The following TAB2 variants were observed in gnomAD, a reference collection of about 807,000 sequenced individuals.
TAB2 encodes TGF-beta activated kinase 1 (MAP3K7) binding protein 2.
In TAB2, 3 loss-of-function variants were observed where a neutral mutation model predicts 65.0. The observed-to-expected ratio is 0.05, with a 90% CI of 0.02 to 0.12. TAB2 has a LOEUF of 0.12. Ranked by LOEUF, TAB2 falls within the 10% of genes least tolerant of loss-of-function variation. The probability of loss-of-function intolerance (pLI) is 1.00; values close to 1 mark genes in which losing one functional copy is unlikely to be tolerated. For synonymous variants in TAB2, 298 were observed against 285.1 expected (o/e 1.05, Z -0.46); for missense variants, 623 against 840.3 (o/e 0.74, Z 3.20).
At chr6:149,388,221 G>A (rs1781864913) in intron 3 of TAB2, among the ~76,000 whole-genome samples, 1 of 152,228 alleles carries the variant, frequency 6.6e-6, no homozygotes, top group Non-Finnish European at 1.5e-5. Context: ...CCCAGGTTAA[G>A]GGAAGCTCCA....
chr6:149,367,933 C>T (rs961115960), intron 1 of TAB2, among the ~76,000 whole-genome samples: 2 of 151,994 alleles, frequency 1.3e-5, no homozygotes, highest in Middle Eastern at 3.2e-3. Context: ...AAGGAGATGT[C>T]AGTTAGCCAG....
chr6:149,315,867 C>T (rs1056466103), upstream of TAB2, among the ~76,000 whole-genome samples: 4 of 151,792 alleles, frequency 2.6e-5, no homozygotes, highest in African/African-American at 7.3e-5. Flanking sequence ...TTAGACTTGA[C>T]CTGCTCAAAC....
intron 1 of TAB2, among the ~76,000 whole-genome samples, chr6:149,360,884 C>T (rs1204953183): frequency 6.6e-6 from 1 of 152,174 alleles, no homozygotes; most frequent in Non-Finnish European, 1.5e-5. Context: ...AAAGGGGCTA[C>T]AGGCTTCATA....
Position 149,369,964 on chromosome 6 carries a change from A to T in TAB2, c.-34A>T. 1 of 1,550,102 alleles carries T rather than the reference A, an allele frequency of 6.5e-7. No homozygotes were observed. The highest frequency in any genetic ancestry group is 8.9e-7 in the Non-Finnish European group (1 of 1,121,748). ...TTTCCACTAAGGCCTAGAATTGCCTACTGTACAAATAGTCCTGATCAGGCA... is the reference window on the plus strand; with the variant it reads ...TTTCCACTAAGGCCTAGAATTGCCTTCTGTACAAATAGTCCTGATCAGGCA... On this transcript the variant is annotated 5_prime_UTR_variant, in exon 2 of 7. Coordinates refer to ENST00000637181, the MANE Select transcript of TAB2 (RefSeq NM_001292034.3).
Position 149,309,879 on chromosome 6 carries a change from TGTGG to T in TAB2, c.-120-68135_-120-68132del, listed in dbSNP as rs894623084. ...AGGACACACTGTGTGTGTGTGTGGG[TGTGG>T]GTGTGTGTGTGTGTGTGTGATTTTT... On this transcript the variant is annotated intron_variant, in intron 1 of 1. Coordinates refer to the TAB2 transcript ENST00000606202. 2.7e-3 allele frequency among the ~76,000 whole-genome samples: 298 copies of T among 109,982 alleles called. 2 individuals carry two copies. Among genetic ancestry groups the T allele is most frequent in the African/African-American group, 0.012 (285 of 23,192 alleles). The allele number at this position is 109,982 out of a possible 152,430, so 72.2% of individuals were successfully genotyped here.
At chr6:149,268,309 G>C (rs1366516360) in intron 1 of TAB2, among the ~76,000 whole-genome samples, 4 of 152,160 alleles carry the variant, frequency 2.6e-5, no homozygotes, top group African/African-American at 7.2e-5. Context: ...CAACAAAAAA[G>C]AGAAAAAGCA....
intron 1 of TAB2, among the ~76,000 whole-genome samples, chr6:149,369,083 T>C (rs1179540252): frequency 6.6e-6 from 1 of 152,182 alleles, no homozygotes; most frequent in Non-Finnish European, 1.5e-5. Flanking sequence ...ATGAAATTTG[T>C]CCTAATGAAA....
At chr6:149,332,385 A>G (rs1175805305) in intron 1 of TAB2, among the ~76,000 whole-genome samples, 1 of 152,178 alleles carries the variant, frequency 6.6e-6, no homozygotes, top group African/African-American at 2.4e-5. Context: ...ATTTATTAGC[A>G]AAAAGCCAGA....
At chr6:149,330,599 A>G (rs889805077) in intron 1 of TAB2, among the ~76,000 whole-genome samples, 2 of 152,170 alleles carry the variant, frequency 1.3e-5, no homozygotes, top group African/African-American at 4.8e-5. Flanking sequence ...AAATGTGTTC[A>G]AGTCTTTTGC....
At chr6:149,392,760 A>G (rs1225317690) in intron 3 of TAB2, among the ~76,000 whole-genome samples, 1 of 152,082 alleles carries the variant, frequency 6.6e-6, no homozygotes, top group African/African-American at 2.4e-5. Flanking sequence ...TTCATACCTC[A>G]TTTTTATGGG....
At chr6:149,318,475 T>C (rs1222686916) in intron 1 of TAB2, 1 of 7,942 alleles carries the variant, frequency 1.3e-4, no homozygotes, top group African/African-American at 6.9e-4. Flanking sequence ...GCGGGGGTTT[T>C]GGGGACAGAC....
chr6:149,318,239 C>T (rs1344926721), intron 1 of TAB2, among the ~76,000 whole-genome samples: 1 of 150,058 alleles, frequency 6.7e-6, no homozygotes, highest in African/African-American at 2.4e-5. Context: ...GGGTGGGGAG[C>T]ATCGGGCCGG....
At chr6:149,309,883 G>GT (rs1779138598) in intron 1 of TAB2, among the ~76,000 whole-genome samples, 6 of 149,360 alleles carry the variant, frequency 4.0e-5, no homozygotes, top group African/African-American at 7.5e-5. Flanking sequence ...TGTGGGTGTG[G>GT]GTGTGTGTGT....
At chr6:149,283,963 C>T (rs1043984236) in intron 1 of TAB2, among the ~76,000 whole-genome samples, 3 of 152,164 alleles carry the variant, frequency 2.0e-5, no homozygotes, top group Non-Finnish European at 4.4e-5. Context: ...TAACAGTAGG[C>T]TCTAACCACC....
At chr6:149,358,190 T>G (rs1780730236) in intron 1 of TAB2, among the ~76,000 whole-genome samples, 1 of 152,234 alleles carries the variant, frequency 6.6e-6, no homozygotes, top group Non-Finnish European at 1.5e-5. Context: ...TTGGATTTTT[T>G]CAGATTTGGG....
At chr6:149,237,072 G>T (rs1156614591) in intron 1 of TAB2, among the ~76,000 whole-genome samples, 1 of 152,102 alleles carries the variant, frequency 6.6e-6, no homozygotes, top group Non-Finnish European at 1.5e-5. Context: ...ATCGTGTTAG[G>T]CACTGTGAAG....
In TAB2 at chr6:149,306,589, A is replaced by C. The variant is rs574897569; in HGVS notation, c.-120-71429A>C. Among the ~76,000 whole-genome samples, 713 of 151,666 alleles carry C rather than the reference A, an allele frequency of 4.7e-3. 5 individuals carry two copies. Among genetic ancestry groups the C allele is most frequent in the Middle Eastern group, 0.027 (8 of 294 alleles). On this transcript the variant is annotated intron_variant, in intron 1 of 1. Coordinates refer to the TAB2 transcript ENST00000606202. Reference sequence around the variant, plus strand: ...AAAAAAAAAACAAAAAACAAAAAAAAACACACACACAAATTAGCCGGGTGT... The same window carrying C: ...AAAAAAAAAACAAAAAACAAAAAAACACACACACACAAATTAGCCGGGTGT...
intron 1 of TAB2, among the ~76,000 whole-genome samples, chr6:149,361,262 CT>C (rs1780840129): frequency 2.6e-5 from 4 of 152,190 alleles, no homozygotes; most frequent in Admixed American, 2.6e-4. Context: ...GCCACCCAGA[CT>C]TTCTCATACA....
intron 1 of TAB2, among the ~76,000 whole-genome samples, chr6:149,233,638 CT>C (rs1451604034): frequency 6.6e-6 from 1 of 152,122 alleles, no homozygotes; most frequent in African/African-American, 2.4e-5. Flanking sequence ...TGAAAACCCC[CT>C]AGGAAGGTTT....
Sources: gnomAD v4.1 joint callset for allele counts (sites outside exome capture counted in the v4.1 genomes callset) on GRCh38, gnomAD v4.1.1 for gene constraint, MANE v1.5 for transcripts, NCBI Gene and HGNC (gene_info 2026-07-23, HGNC 2026-07-21) for gene names.